PLCB4: variants seen among roughly 807,000 people sequenced by gnomAD.
PLCB4 encodes the protein phospholipase C beta 4, also known as 1-phosphatidylinositol 4,5-bisphosphate phosphodiesterase beta-4.
Under a neutral mutation model 178.8 loss-of-function variants are expected in PLCB4, and 77 were observed. The observed-to-expected ratio is 0.43, with a 90% CI of 0.36 to 0.52. The LOEUF is 0.52. Among genes scored for constraint, PLCB4 ranks in the 20% least tolerant of loss-of-function variants. The pLI, the probability that PLCB4 is intolerant of heterozygous loss-of-function variation, is 0.00. For synonymous variants in PLCB4, 496 were observed against 490.8 expected (o/e 1.01, Z -0.14); for missense variants, 1,024 against 1,453.4 (o/e 0.70, Z 4.80).
chr20:9,408,649 T>C lies in PLCB4; in HGVS notation c.1806T>C (p.Tyr602=). ...FHVAEERNIH[Y]NMSSFNESVG... ...CTTTTACAGAACGCAATATTCATTA[T>C]AACATGTCTTCTTTTAATGAATCAG... The change falls in exon 23 of 40, where the codon TAT becomes TAC. Residue 602 remains tyrosine (Y), a synonymous_variant. Transcript: ENST00000378473. 1 of 1,568,986 alleles carries C rather than the reference T, an allele frequency of 6.4e-7. No homozygotes were observed. The highest frequency in any genetic ancestry group is 1.1e-5 in the South Asian group (1 of 89,940).
chr20:9,333,719 G>T (rs551858313), intron 4 of PLCB4, among the ~76,000 whole-genome samples: 1 of 152,228 alleles, frequency 6.6e-6, no homozygotes, highest in Admixed American at 6.5e-5. Context: ...AGATAATATT[G>T]GTTTGGGCCA....
intron 38 of PLCB4, 34 bp downstream of exon 38, chr20:9,473,399 C>T: frequency 8.0e-7 from 1 of 1,243,418 alleles, no homozygotes; most frequent in Admixed American, 1.8e-5. Context: ...AACATGCAGG[C>T]AGCTAGCCAG....
Position 9,192,899 on chromosome 20 carries a change from G to A in PLCB4, c.-78-24491G>A, listed in dbSNP as rs771743538. ...ATAGCTCAGGTTGGAGCACCTATCC[G>A]TTAATTAGCAGTTTTGCCCAAAAGG... On this transcript the variant is annotated intron_variant, in intron 2 of 39. Transcript: ENST00000378473. 5.7e-4 allele frequency among the ~76,000 whole-genome samples: 87 copies of A among 152,136 alleles called. 2 individuals are homozygous for A. The highest frequency in any genetic ancestry group is 2.1e-4 in the South Asian group (1 of 4,826).
intron 8 of PLCB4, among the ~76,000 whole-genome samples, chr20:9,363,904 T>C (rs1283030891): frequency 2.0e-5 from 3 of 152,234 alleles, no homozygotes; most frequent in Non-Finnish European, 4.4e-5. Flanking sequence ...TCATGTCTTA[T>C]CTTCTGGTCA....
intron 12 of PLCB4, among the ~76,000 whole-genome samples, chr20:9,373,716 A>ATT: frequency 1.3e-5 from 2 of 152,322 alleles, no homozygotes; most frequent in East Asian, 3.9e-4. Flanking sequence ...CTAATTTTAG[A>ATT]ATGTGATTAA....
intron 21 of PLCB4, among the ~76,000 whole-genome samples, 198 bp downstream of exon 21, chr20:9,405,546 C>A (rs959802665): frequency 2.0e-5 from 3 of 152,168 alleles, no homozygotes; most frequent in Non-Finnish European, 2.9e-5. Context: ...TTAGAGATTT[C>A]ATTCCTGCAG....
intron 27 of PLCB4, among the ~76,000 whole-genome samples, 183 bp downstream of exon 27, chr20:9,421,644 G>C (rs557898620): frequency 1.2e-4 from 19 of 152,038 alleles, no homozygotes; most frequent in African/African-American, 4.6e-4. Flanking sequence ...GCCTCCTTTT[G>C]GTTCTCCTCT....
chr20:9,372,249 C>A, intron 10 of PLCB4, 54 bp from the exon 11 acceptor site: 1 of 1,003,658 alleles, frequency 1.0e-6, no homozygotes, highest in Non-Finnish European at 1.6e-6. Flanking sequence ...TAGCTTCTCA[C>A]CCTCCAAGGG....
At chr20:9,151,022 G>A (rs1294807679) in intron 2 of PLCB4, among the ~76,000 whole-genome samples, 1 of 152,078 alleles carries the variant, frequency 6.6e-6, no homozygotes, top group Non-Finnish European at 1.5e-5. Context: ...GGGTTTCCCT[G>A]AGGAAACAAT....
intron 35 of PLCB4, among the ~76,000 whole-genome samples, chr20:9,466,310 C>T (rs902159997): frequency 6.6e-6 from 1 of 152,050 alleles, no homozygotes; most frequent in Non-Finnish European, 1.5e-5. Context: ...ACTTAAATGT[C>T]AGACCTAAAA....
At chr20:9,337,941 C>A (rs2032684433) in intron 5 of PLCB4, 67 bp from the exon 6 acceptor site, 3 of 1,257,270 alleles carry the variant, frequency 2.4e-6, no homozygotes, top group South Asian at 2.5e-5. Flanking sequence ...TTTTGCCAAG[C>A]AGTTTGCCTG....
chr20:9,444,553 A>G lies in PLCB4; in HGVS notation c.2880+310A>G, dbSNP rs188283006. On this transcript the variant is annotated intron_variant, in intron 32 of 39. Transcript: ENST00000378473. Reference sequence around the variant, plus strand: ...GCCAAGGTGGGTAGAATAGGATGTCAGGAGTTTGAGACCAGCCTGACCAAC... The same window carrying G: ...GCCAAGGTGGGTAGAATAGGATGTCGGGAGTTTGAGACCAGCCTGACCAAC... Among the ~76,000 whole-genome samples the G allele has an allele frequency of 1.8e-4, 27 of 152,302 alleles. No individual in the cohort carries two copies. In the East Asian group the frequency reaches 5.0e-3, roughly 28 times the overall value.
chr20:9,125,845 G>A (rs137972421), intron 2 of PLCB4, among the ~76,000 whole-genome samples: 69 of 152,228 alleles, frequency 4.5e-4, no homozygotes, highest in African/African-American at 1.6e-3. Context: ...TATGTGCCAG[G>A]CACAATGTGA....
At chr20:9,126,720 C>T (rs1440895154) in intron 2 of PLCB4, among the ~76,000 whole-genome samples, 1 of 150,964 alleles carries the variant, frequency 6.6e-6, no homozygotes, top group Admixed American at 6.6e-5. Context: ...CCAGCAGCAG[C>T]CTTGGAAATG....
At chr20:9,192,595 C>G (rs911421840) in intron 2 of PLCB4, among the ~76,000 whole-genome samples, 1 of 148,010 alleles carries the variant, frequency 6.8e-6, no homozygotes, top group Non-Finnish European at 1.5e-5. Flanking sequence ...GTGTGATCAC[C>G]GTTCACTGTA....
At chr20:9,405,222 C>T (rs573804311) in intron 20 of PLCB4, 91 bp from the exon 21 acceptor site, 31 of 654,614 alleles carry the variant, frequency 4.7e-5, no homozygotes, top group East Asian at 1.4e-4. Context: ...AGTTTACCTA[C>T]ACTTATTTAA....
At position 9,344,705 on chromosome 20, in the gene PLCB4, G is replaced by A. The variant is rs139332525; in HGVS notation, c.369+5668G>A. The stretch of plus-strand genomic sequence containing the variant: ...AGGAAAGACAGAACTCTGGGATCCC[G>A]TGTGTTATTTTTAGAGCCACATTTC... On this transcript the variant is annotated intron_variant, in intron 7 of 39. Coordinates refer to ENST00000378473, the MANE Select transcript of PLCB4 (RefSeq NM_001377142.1). Among the ~76,000 whole-genome samples, 840 of 152,268 alleles carry A rather than the reference G, an allele frequency of 5.5e-3. 6 individuals are homozygous for A. The highest frequency in any genetic ancestry group is 0.016 in the African/African-American group (647 of 41,534).
chr20:9,329,401 A>G lies in PLCB4; in HGVS notation c.85-7725A>G, dbSNP rs77799219. Among the ~76,000 whole-genome samples the G allele has an allele frequency of 4.7e-3, 720 of 152,322 alleles. 4 individuals carry two copies. The highest frequency in any genetic ancestry group is 6.8e-3 in the Middle Eastern group (2 of 294). ...TAAAAATGGTACCTCCCTCATAGGA[A>G]TGTTGGGAGGATAATAAGTTAATGT... On this transcript the variant is annotated intron_variant, in intron 4 of 39. Transcript: ENST00000378473.
At chr20:9,169,805 G>T (rs1490339793) in intron 2 of PLCB4, among the ~76,000 whole-genome samples, 1 of 152,034 alleles carries the variant, frequency 6.6e-6, no homozygotes, top group Non-Finnish European at 1.5e-5. Context: ...ACAATGAACA[G>T]CTGTGTATTC....
Sources: allele counts gnomAD v4.1 joint callset (sites outside exome capture counted in the v4.1 genomes callset), GRCh38; gene constraint gnomAD v4.1.1; transcripts MANE v1.5; gene names NCBI Gene and HGNC (gene_info 2026-07-23, HGNC 2026-07-21).